The following DTL variants were observed in gnomAD, a reference collection of about 807,000 sequenced individuals.
The protein encoded by DTL is denticleless protein homolog.
DTL carries 46 observed loss-of-function variants against 87.0 expected under a neutral mutation model. The ratio of observed to expected loss-of-function variants is 0.53; its 90% CI spans 0.42 to 0.68. The LOEUF (loss-of-function observed/expected upper bound fraction) is 0.68. DTL is among the 30% of genes least tolerant of loss of function. The probability of loss-of-function intolerance (pLI) is 0.00; values close to 1 mark genes in which losing one functional copy is unlikely to be tolerated. For missense variants in DTL, 737 were observed against 869.4 expected (o/e 0.85, Z 1.91); for synonymous variants, 308 against 311.2 (o/e 0.99, Z 0.11).
intron 13 of DTL, among the ~76,000 whole-genome samples, chr1:212,088,035 C>T (rs1386468523): frequency 1.3e-5 from 2 of 152,202 alleles, no homozygotes; most frequent in African/African-American, 2.4e-5. Context: ...CAATAGTCCT[C>T]AATCTTGGCT....
intron 5 of DTL, among the ~76,000 whole-genome samples, chr1:212,058,188 A>G (rs1375443289): frequency 6.6e-6 from 1 of 152,170 alleles, no homozygotes. Flanking sequence ...TTTAAACTGC[A>G]CATTAGACCA....
intron 12 of DTL, among the ~76,000 whole-genome samples, chr1:212,079,855 A>G (rs561413802): frequency 6.6e-6 from 1 of 152,304 alleles, no homozygotes; most frequent in African/African-American, 2.4e-5. Context: ...TTAAGAGAAC[A>G]TGTATTCTTT....
rs1655686704 is a variant in DTL at position 212,103,562 on chromosome 1, A to G, written c.*622A>G. On this transcript the variant is annotated 3_prime_UTR_variant, in exon 15 of 15. Coordinates refer to ENST00000366991, the MANE Select transcript of DTL (RefSeq NM_016448.4). ...TCATCTTTATTTTAAATGCAGTGATAAATGTCAACTCTTCGGAGAAACTAG... is the reference window on the plus strand; with the variant it reads ...TCATCTTTATTTTAAATGCAGTGATGAATGTCAACTCTTCGGAGAAACTAG... The G allele has an allele frequency of 6.6e-6, 1 of 152,208 alleles. No individual in the cohort carries two copies. The highest frequency in any genetic ancestry group is 1.5e-5 in the Non-Finnish European group (1 of 68,050). The allele number at this position is 152,208 out of a possible 1,614,324, so 9.4% of individuals were successfully genotyped here.
At chr1:212,088,828 T>G (rs1201385503) in intron 13 of DTL, among the ~76,000 whole-genome samples, 1 of 152,220 alleles carries the variant, frequency 6.6e-6, no homozygotes, top group Non-Finnish European at 1.5e-5. Context: ...GGCTCACGCC[T>G]GTAATCCCAA....
chr1:212,094,584 G>GACTTTTTTT (rs752944038), intron 13 of DTL, among the ~76,000 whole-genome samples: 1 of 152,118 alleles, frequency 6.6e-6, no homozygotes, highest in Non-Finnish European at 1.5e-5. Context: ...GGCTATGTGG[G>GACTTTTTTT]CTGTTTTTTG....
chr1:212,040,637 G>A (rs1374258827), intron 1 of DTL, among the ~76,000 whole-genome samples: 3 of 152,216 alleles, frequency 2.0e-5, no homozygotes, highest in Non-Finnish European at 4.4e-5. Flanking sequence ...GGCAGGCACT[G>A]TGATATAACA....
At chr1:212,076,638 G>A (rs1654839140) in intron 11 of DTL, among the ~76,000 whole-genome samples, 1 of 152,078 alleles carries the variant, frequency 6.6e-6, no homozygotes, top group African/African-American at 2.4e-5. Flanking sequence ...AGGACTTGAG[G>A]ATTTCCTCTC....
chr1:212,079,153 T>A (rs1258099665), intron 12 of DTL, among the ~76,000 whole-genome samples: 1 of 152,094 alleles, frequency 6.6e-6, no homozygotes, highest in Non-Finnish European at 1.5e-5. Context: ...TGGCAGACCT[T>A]TTCTTTTTTT....
intron 5 of DTL, among the ~76,000 whole-genome samples, chr1:212,054,370 T>C (rs1299099677): frequency 6.7e-6 from 1 of 149,432 alleles, no homozygotes; most frequent in African/African-American, 2.5e-5. Context: ...GTATTAATGC[T>C]GCAACTTTGG....
intron 5 of DTL, among the ~76,000 whole-genome samples, chr1:212,061,543 A>T (rs1654312249): frequency 6.6e-6 from 1 of 152,050 alleles, no homozygotes; most frequent in South Asian, 2.1e-4. Flanking sequence ...TAGCAGTCTC[A>T]TTATTGGGTA....
chr1:212,055,562 C>G (rs1668148433), intron 5 of DTL, among the ~76,000 whole-genome samples: 1 of 152,182 alleles, frequency 6.6e-6, no homozygotes, highest in Non-Finnish European at 1.5e-5. Context: ...TCCCCAAGGA[C>G]AAATTCCACT....
chr1:212,042,606 A>G (rs925231867), intron 1 of DTL, among the ~76,000 whole-genome samples: 2 of 152,196 alleles, frequency 1.3e-5, no homozygotes, highest in African/African-American at 4.8e-5. Flanking sequence ...ATTTTGTATG[A>G]TGTTCTGGAA....
At chr1:212,063,372 C>T (rs967965145) in intron 6 of DTL, among the ~76,000 whole-genome samples, 30 of 150,946 alleles carry the variant, frequency 2.0e-4, no homozygotes, top group African/African-American at 7.1e-4. Flanking sequence ...CACTGCACTC[C>T]CCACCCGCTG....
At position 212,047,404 on chromosome 1, in the gene DTL, T is replaced by A; in HGVS notation, c.447T>A (p.Ser149=). 6.2e-7 allele frequency: 1 copy of A among 1,614,234 alleles called. No homozygotes were observed. The highest frequency in any genetic ancestry group is 8.5e-7 in the Non-Finnish European group (1 of 1,180,030). ...GCAGCCTCAAGTCAGTTGCCTTTTCTAAGTTTGAGAAAGGTAGGTTTGTGC... is the reference window on the plus strand; with the variant it reads ...GCAGCCTCAAGTCAGTTGCCTTTTCAAAGTTTGAGAAAGGTAGGTTTGTGC... ...HQCSLKSVAF[S]KFEKAVFCTG... The change falls in exon 5 of 15, where the codon TCT becomes TCA. Residue 149 remains serine (S), a synonymous_variant. Transcript: ENST00000366991.
intron 13 of DTL, among the ~76,000 whole-genome samples, chr1:212,097,852 A>G (rs1201018835): frequency 6.6e-6 from 1 of 152,170 alleles, no homozygotes; most frequent in African/African-American, 2.4e-5. Context: ...TGGGTGGACT[A>G]TGTCAGAAGA....
intron 13 of DTL, among the ~76,000 whole-genome samples, chr1:212,085,577 T>A (rs547342184): frequency 1.3e-5 from 2 of 152,358 alleles, no homozygotes; most frequent in East Asian, 3.9e-4. Context: ...TTGCAATGAT[T>A]TATTCTGTGG....
In DTL at chr1:212,100,642, T is replaced by TAA; in HGVS notation, c.1654_1655dup (p.Arg554GlyfsTer3). The TAA allele has an allele frequency of 6.2e-7, 1 of 1,613,316 alleles. No homozygotes were observed. Among genetic ancestry groups the TAA allele is most frequent in the Non-Finnish European group, 8.5e-7 (1 of 1,179,900 alleles). ...GCTTGCTCTGAGTCTAGAAATAGAG[T>TAA]AAAGAGGAGGCTAGACTCAAGCTGT... On this transcript the variant is annotated frameshift_variant, in exon 14 of 15. Transcript: ENST00000366991. LOFTEE classifies it high-confidence loss of function.
At position 212,101,036 on chromosome 1, in the gene DTL, C is replaced by T; in HGVS notation, c.2046C>T (p.Ser682=). ...AENPSPRSPS[S]QTPNSRRQSG... is the part of the protein sequence containing the mutation. ...ATCCATCTCCACGAAGTCCGTCATC[C>T]CAGACACCCAATTCCAGGAGACAGA... The change falls in exon 14 of 15, where the codon TCC becomes TCT. Residue 682 remains serine (S), a synonymous_variant. Transcript: ENST00000366991. The T allele has an allele frequency of 6.2e-7, 1 of 1,613,382 alleles. No individual in the cohort carries two copies. The highest frequency in any genetic ancestry group is 1.1e-5 in the South Asian group (1 of 90,990).
At position 212,072,114 on chromosome 1, in the gene DTL, T is replaced by C. The variant is rs781170147; in HGVS notation, c.936T>C (p.Asn312=). 6.2e-7 allele frequency: 1 copy of C among 1,613,946 alleles called. No homozygotes were observed. Among genetic ancestry groups the C allele is most frequent in the Admixed American group, 1.7e-5 (1 of 59,972 alleles). Residue 312 remains asparagine (N), a synonymous_variant, in exon 11 of 15, where the codon AAT becomes AAC. Transcript: ENST00000366991. ...GLKTSPVAIF[N]GHQNSTFYVK... ...TTCCTCTGGCAGTGGCTATTTTCAATGGACACCAGAACTCTACCTTTTATG... is the reference window on the plus strand; with the variant it reads ...TTCCTCTGGCAGTGGCTATTTTCAACGGACACCAGAACTCTACCTTTTATG...
Sources: allele counts gnomAD v4.1 joint callset (sites outside exome capture counted in the v4.1 genomes callset), GRCh38; gene constraint gnomAD v4.1.1; transcripts MANE v1.5; gene names NCBI Gene and HGNC (gene_info 2026-07-23, HGNC 2026-07-21).